Variants in MEGF11 observed in about 807,000 individuals in gnomAD.
MEGF11 encodes multiple epidermal growth factor-like domains protein 11.
Under a neutral mutation model 146.6 loss-of-function variants are expected in MEGF11, and 126 were observed. The ratio of observed to expected loss-of-function variants is 0.86; its 90% CI spans 0.74 to 1.00. The LOEUF (loss-of-function observed/expected upper bound fraction) is 1.00, where lower values mean the gene tolerates loss of function less well. Ranked by LOEUF, MEGF11 falls within the 50% of genes least tolerant of loss-of-function variation. The pLI is 0.00. For synonymous variants in MEGF11, 532 were observed against 583.4 expected (o/e 0.91, Z 1.27); for missense variants, 1,509 against 1,521.2 (o/e 0.99, Z 0.13).
intron 5 of MEGF11, among the ~76,000 whole-genome samples, chr15:66,016,029 C>A (rs140849422): frequency 9.1e-4 from 138 of 151,990 alleles, no homozygotes; most frequent in Non-Finnish European, 1.6e-3. Flanking sequence ...GGAGAGAGAC[C>A]CTTCCACATT....
At chr15:66,209,074 G>A (rs1386630861) in intron 1 of MEGF11, among the ~76,000 whole-genome samples, 1 of 152,106 alleles carries the variant, frequency 6.6e-6, no homozygotes, top group Non-Finnish European at 1.5e-5. Flanking sequence ...CATGCAGGCC[G>A]GGCACGGTGT....
At chr15:66,176,069 C>G (rs1432416287) in intron 1 of MEGF11, among the ~76,000 whole-genome samples, 1 of 152,110 alleles carries the variant, frequency 6.6e-6, no homozygotes, top group Non-Finnish European at 1.5e-5. Context: ...TAAAAATGTT[C>G]AACATCACTA....
At chr15:66,072,437 A>C (rs2085407763) in intron 5 of MEGF11, among the ~76,000 whole-genome samples, 1 of 152,128 alleles carries the variant, frequency 6.6e-6, no homozygotes, top group Non-Finnish European at 1.5e-5. Context: ...TCACCAATTG[A>C]AATTACCGTG....
At chr15:66,094,605 T>C in intron 4 of MEGF11, 111 bp from the exon 5 acceptor site, 1 of 858,958 alleles carries the variant, frequency 1.2e-6, no homozygotes, top group Non-Finnish European at 1.8e-6. Flanking sequence ...CCAGGGATGC[T>C]TAGAACGCAT....
intron 4 of MEGF11, among the ~76,000 whole-genome samples, chr15:66,111,402 C>T (rs187803384): frequency 6.6e-6 from 1 of 152,280 alleles, no homozygotes; most frequent in Admixed American, 6.5e-5. Flanking sequence ...AAAAGTGCTC[C>T]CAAAATACAG....
chr15:66,120,147 C>T (rs2087950978), intron 3 of MEGF11, among the ~76,000 whole-genome samples: 1 of 152,182 alleles, frequency 6.6e-6, no homozygotes, highest in South Asian at 2.1e-4. Context: ...TAACCTACTG[C>T]CCTCTACCAG....
At chr15:66,179,004 G>A (rs1480726108) in intron 1 of MEGF11, among the ~76,000 whole-genome samples, 10 of 152,074 alleles carry the variant, frequency 6.6e-5, no homozygotes, top group African/African-American at 1.9e-4. Flanking sequence ...TGTAGCCTCC[G>A]GGTAGCCAGT....
chr15:65,977,195 G>A (rs957957899), intron 7 of MEGF11, among the ~76,000 whole-genome samples: 1 of 142,466 alleles, frequency 7.0e-6, no homozygotes, highest in African/African-American at 2.5e-5. Flanking sequence ...TGGCTAAGTG[G>A]AACATAAAAA....
chr15:65,904,060 C>G (rs77599148), intron 24 of MEGF11, among the ~76,000 whole-genome samples: 2 of 152,172 alleles, frequency 1.3e-5, no homozygotes, highest in African/African-American at 2.4e-5. Context: ...GGCAGAGACA[C>G]TGCTTTCCTG....
At position 65,968,094 on chromosome 15, in the gene MEGF11, G is replaced by A. The variant is rs72625765; in HGVS notation, c.899+2459C>T. Among the ~76,000 whole-genome samples the A allele has an allele frequency of 1.3e-3, 145 of 110,884 alleles. 2 individuals carry two copies. The highest frequency in any genetic ancestry group is 4.7e-3 in the African/African-American group (131 of 27,888). 72.7% of individuals were successfully genotyped at this position (110,884 alleles called of 152,430 possible). A position where few individuals can be genotyped will look rare whatever the true frequency, so the allele number is the denominator to read the frequency against. ...CAGCCAATCTGAGGCCTCATGAAGG[G>A]AAAGAGAGCAGAAAAGAGAGGGAAG... On this transcript the variant is annotated intron_variant, in intron 8 of 25. Transcript: ENST00000395614.
chr15:66,054,130 C>T (rs1241244976), intron 5 of MEGF11, among the ~76,000 whole-genome samples: 5 of 152,140 alleles, frequency 3.3e-5, no homozygotes, highest in African/African-American at 7.2e-5. Flanking sequence ...CAGCTCTGCT[C>T]AGTTCCCTGA....
At chr15:66,206,744 CA>C (rs1373411775) in intron 1 of MEGF11, among the ~76,000 whole-genome samples, 3 of 150,610 alleles carry the variant, frequency 2.0e-5, no homozygotes, top group Admixed American at 6.6e-5. Flanking sequence ...ACTAAAAGTA[CA>C]AAAAAAAATT....
intron 1 of MEGF11, among the ~76,000 whole-genome samples, chr15:66,240,289 G>A (rs1440310872): frequency 6.6e-6 from 1 of 152,202 alleles, no homozygotes; most frequent in African/African-American, 2.4e-5. Context: ...AGGGGAGAGT[G>A]GGGGCTGAAT....
chr15:66,055,002 G>A (rs1427651327), intron 5 of MEGF11, among the ~76,000 whole-genome samples: 5 of 152,188 alleles, frequency 3.3e-5, no homozygotes, highest in Non-Finnish European at 7.3e-5. Flanking sequence ...TATTATTGGT[G>A]TAGACATGGA....
chr15:66,007,991 C>T (rs924704798), intron 5 of MEGF11, among the ~76,000 whole-genome samples: 10 of 152,180 alleles, frequency 6.6e-5, no homozygotes, highest in African/African-American at 2.4e-4. Flanking sequence ...TTCAGGCCCT[C>T]TCTGCAGCAC....
intron 5 of MEGF11, among the ~76,000 whole-genome samples, chr15:66,036,821 G>T (rs2083744385): frequency 6.6e-6 from 1 of 152,254 alleles, no homozygotes; most frequent in African/African-American, 2.4e-5. Context: ...ATTCATTCAT[G>T]TAGGAAGTAT....
intron 1 of MEGF11, among the ~76,000 whole-genome samples, chr15:66,203,576 C>T (rs559171252): frequency 3.3e-5 from 5 of 152,340 alleles, no homozygotes; most frequent in Non-Finnish European, 5.9e-5. Flanking sequence ...CCAAGGAGAA[C>T]TCTGACCAGA....
rs1167010265 is a variant in MEGF11, at chr15:65,913,872, A to G, written c.2575T>C (p.Leu859=). The G allele has an allele frequency of 1.9e-6, 3 of 1,614,014 alleles. No individual in the cohort carries two copies. Among genetic ancestry groups the G allele is most frequent in the Non-Finnish European group, 1.7e-6 (2 of 1,179,900 alleles). The change falls in exon 20 of 26, where the codon TTA becomes CTA. Residue 859 remains leucine (L), a synonymous_variant. Transcript: ENST00000395614. The part of the protein sequence containing the change: ...VGAVTGIMLL[L]FLIVVLLGLF... The stretch of plus-strand genomic sequence containing the variant: ...CCCAGCAGCACCACAATGAGGAATA[A>G]CAGGAGCATGATGCCTGTGACAGCA...
chr15:65,950,307 G>A (rs1307456537), intron 10 of MEGF11, among the ~76,000 whole-genome samples: 1 of 152,192 alleles, frequency 6.6e-6, no homozygotes, highest in Non-Finnish European at 1.5e-5. Context: ...GAGGCAGGCT[G>A]GGTATAGTGG....
Sources: allele counts gnomAD v4.1 joint callset (sites outside exome capture counted in the v4.1 genomes callset), GRCh38; gene constraint gnomAD v4.1.1; transcripts MANE v1.5; gene names NCBI Gene and HGNC (gene_info 2026-07-23, HGNC 2026-07-21).